Variants in ADAMTS17 observed in about 807,000 individuals in gnomAD.
ADAMTS17 encodes ADAM metallopeptidase with thrombospondin type 1 motif 17, also known as A disintegrin and metalloproteinase with thrombospondin motifs 17.
In ADAMTS17, 113 loss-of-function variants were observed where a neutral mutation model predicts 141.5. The ratio of observed to expected loss-of-function variants is 0.80; its 90% CI spans 0.69 to 0.93. The LOEUF (loss-of-function observed/expected upper bound fraction) is 0.93, where lower values mean the gene tolerates loss of function less well. ADAMTS17 is among the 40% of genes least tolerant of loss of function. The pLI is 0.00. For missense variants in ADAMTS17, 1,659 were observed against 1,517.9 expected (o/e 1.09, Z -1.54); for synonymous variants, 768 against 630.6 (o/e 1.22, Z -3.27).
intron 10 of ADAMTS17, among the ~76,000 whole-genome samples, chr15:100,150,997 G>A (rs752875489): frequency 5.3e-5 from 8 of 152,252 alleles, no homozygotes; most frequent in Non-Finnish European, 1.0e-4. Flanking sequence ...CTGTGCGTGT[G>A]CATAAGCCTT....
intron 3 of ADAMTS17, among the ~76,000 whole-genome samples, chr15:100,292,349 A>G (rs946332047): frequency 6.8e-5 from 10 of 146,148 alleles, no homozygotes; most frequent in African/African-American, 1.8e-4. Flanking sequence ...TACGAGAGAC[A>G]CTCACCCCGT....
chr15:100,131,858 C>T, intron 12 of ADAMTS17, 149 bp downstream of exon 12: 1 of 1,174,616 alleles, frequency 8.5e-7, no homozygotes. Flanking sequence ...CACACGAGGT[C>T]CCTGCACCCT....
chr15:100,076,962 C>G (rs1191168351), intron 15 of ADAMTS17, among the ~76,000 whole-genome samples: 1 of 152,000 alleles, frequency 6.6e-6, no homozygotes, highest in Non-Finnish European at 1.5e-5. Context: ...TATATATCTA[C>G]TCACCTACTA....
intron 7 of ADAMTS17, among the ~76,000 whole-genome samples, chr15:100,236,754 C>T (rs2042668869): frequency 6.6e-6 from 1 of 152,146 alleles, no homozygotes; most frequent in Non-Finnish European, 1.5e-5. Flanking sequence ...GGGAGGATTG[C>T]TTGAGCCCAG....
intron 3 of ADAMTS17, among the ~76,000 whole-genome samples, chr15:100,315,064 G>C (rs1306148181): frequency 6.6e-6 from 1 of 152,236 alleles, no homozygotes; most frequent in Non-Finnish European, 1.5e-5. Context: ...GCATGACCTG[G>C]GGCAGGTCCC....
chr15:100,281,484 T>A, intron 3 of ADAMTS17, 83 bp from the exon 4 acceptor site: 1 of 1,527,576 alleles, frequency 6.5e-7, no homozygotes, highest in South Asian at 1.2e-5. Context: ...CTGTCAAGCC[T>A]GCCCGAGAGA....
At chr15:100,276,957 GT>G (rs2044118540) in intron 4 of ADAMTS17, among the ~76,000 whole-genome samples, 1 of 152,052 alleles carries the variant, frequency 6.6e-6, no homozygotes, top group Non-Finnish European at 1.5e-5. Flanking sequence ...AACGGAACTT[GT>G]TTTTCAATTT....
intron 18 of ADAMTS17, among the ~76,000 whole-genome samples, chr15:100,043,007 C>T (rs8039878): frequency 0.058 from 8,830 of 152,140 alleles, 818 homozygotes; most frequent in African/African-American, 0.19. Context: ...TATGTATGTA[C>T]GCACGGATCT....
chr15:100,043,192 T>C (rs2031401703), intron 18 of ADAMTS17, among the ~76,000 whole-genome samples: 1 of 152,170 alleles, frequency 6.6e-6, no homozygotes, highest in Admixed American at 6.5e-5. Context: ...AAAACCAGCC[T>C]GGGGCAGGGA....
chr15:100,219,946 C>T (rs893206307), intron 7 of ADAMTS17, among the ~76,000 whole-genome samples: 1 of 152,202 alleles, frequency 6.6e-6, no homozygotes, highest in Non-Finnish European at 1.5e-5. Context: ...AAGCACTTTA[C>T]ATCTGTTACC....
chr15:100,307,729 C>G (rs74903303), intron 3 of ADAMTS17, among the ~76,000 whole-genome samples: 6 of 152,260 alleles, frequency 3.9e-5, no homozygotes, highest in Non-Finnish European at 7.4e-5. Flanking sequence ...TGTCACGTGC[C>G]GCGTGCAGTG....
At chr15:100,081,068 T>C (rs2034702135) in intron 15 of ADAMTS17, among the ~76,000 whole-genome samples, 1 of 152,172 alleles carries the variant, frequency 6.6e-6, no homozygotes, top group Non-Finnish European at 1.5e-5. Context: ...GAGTTTAACA[T>C]TTGGGTCAGG....
intron 7 of ADAMTS17, among the ~76,000 whole-genome samples, chr15:100,212,680 A>G (rs2041846533): frequency 6.6e-6 from 1 of 152,190 alleles, no homozygotes; most frequent in Non-Finnish European, 1.5e-5. Flanking sequence ...GGGGTTACCC[A>G]AGCATTCCTC....
chr15:100,126,520 G>C (rs970005001), intron 12 of ADAMTS17: 3 of 152,222 alleles, frequency 2.0e-5, no homozygotes, highest in African/African-American at 7.2e-5. Context: ...CTGGAGAAGG[G>C]CAGGCACAAC....
At chr15:100,050,551 G>A (rs2032059839) in intron 17 of ADAMTS17, among the ~76,000 whole-genome samples, 1 of 152,230 alleles carries the variant, frequency 6.6e-6, no homozygotes, top group Non-Finnish European at 1.5e-5. Flanking sequence ...GGTTGGCCAA[G>A]ATGCCCAGGA....
chr15:99,983,708 C>T (rs1484315191), intron 20 of ADAMTS17, among the ~76,000 whole-genome samples: 1 of 152,140 alleles, frequency 6.6e-6, no homozygotes, highest in Non-Finnish European at 1.5e-5. Flanking sequence ...TGAGCACAAG[C>T]CCAAGATGGG....
intron 7 of ADAMTS17, among the ~76,000 whole-genome samples, chr15:100,211,392 T>C (rs1192644958): frequency 3.3e-5 from 5 of 151,636 alleles, no homozygotes; most frequent in African/African-American, 1.2e-4. Context: ...AATGATAGAC[T>C]GTTCAATAAA....
At chr15:100,190,604 C>T (rs2040879922) in intron 8 of ADAMTS17, among the ~76,000 whole-genome samples, 2 of 152,302 alleles carry the variant, frequency 1.3e-5, no homozygotes, top group East Asian at 1.9e-4. Context: ...GCAGGAGGAA[C>T]CCCAAGAGGG....
intron 7 of ADAMTS17, among the ~76,000 whole-genome samples, chr15:100,202,335 C>G (rs1213826055): frequency 6.6e-6 from 1 of 152,182 alleles, no homozygotes; most frequent in African/African-American, 2.4e-5. Flanking sequence ...AACAAAGAAT[C>G]AGTTTATTTA....
Sources: gnomAD v4.1 joint callset for allele counts (sites outside exome capture counted in the v4.1 genomes callset) on GRCh38, gnomAD v4.1.1 for gene constraint, MANE v1.5 for transcripts, NCBI Gene and HGNC (gene_info 2026-07-23, HGNC 2026-07-21) for gene names.